Variants in PRKN observed in about 807,000 individuals in gnomAD.
PRKN encodes the protein E3 ubiquitin-protein ligase parkin.
In PRKN, 56 loss-of-function variants were observed where a neutral mutation model predicts 59.5. The ratio of observed to expected loss-of-function variants is 0.94; its 90% CI spans 0.76 to 1.18. PRKN has a LOEUF of 1.18. PRKN is among the 50% of genes most tolerant of loss of function. The pLI is 0.00. For synonymous variants in PRKN, 250 were observed against 222.1 expected (o/e 1.13, Z -1.12); for missense variants, 657 against 596.4 (o/e 1.10, Z -1.06).
chr6:161,935,808 A>AC (rs1779336320), intron 6 of PRKN, among the ~76,000 whole-genome samples: 1 of 152,152 alleles, frequency 6.6e-6, no homozygotes, highest in South Asian at 2.1e-4. Flanking sequence ...GCAGCAATAG[A>AC]CCATCCACAT....
At chr6:162,686,650 G>C (rs1483756252) in intron 1 of PRKN, among the ~76,000 whole-genome samples, 1 of 152,172 alleles carries the variant, frequency 6.6e-6, no homozygotes, top group Non-Finnish European at 1.5e-5. Flanking sequence ...GATGGCTCGT[G>C]CCTGTAATCC....
At chr6:162,196,720 T>C (rs1784509795) in intron 4 of PRKN, among the ~76,000 whole-genome samples, 1 of 152,118 alleles carries the variant, frequency 6.6e-6, no homozygotes, top group Non-Finnish European at 1.5e-5. Context: ...ATGCCTAACA[T>C]CAGGACAAAA....
At chr6:161,771,967 A>T (rs1422034413) in intron 7 of PRKN, among the ~76,000 whole-genome samples, 3 of 152,202 alleles carry the variant, frequency 2.0e-5, no homozygotes, top group Non-Finnish European at 2.9e-5. Flanking sequence ...TCTCAGTAAC[A>T]CAAGACATCG....
intron 5 of PRKN, among the ~76,000 whole-genome samples, chr6:162,025,964 C>T (rs1437691529): frequency 6.6e-6 from 1 of 152,096 alleles, no homozygotes; most frequent in African/African-American, 2.4e-5. Flanking sequence ...GCCAAACAAG[C>T]AGTTGCAAAC....
Position 161,442,939 on chromosome 6 carries a change from T to C in PRKN, c.1084-56062A>G, listed in dbSNP as rs574492054. On this transcript the variant is annotated intron_variant, in intron 9 of 11. Coordinates refer to ENST00000366898, the MANE Select transcript of PRKN (RefSeq NM_004562.3). The surrounding 1 kb of genome is among the most constrained non-coding windows in gnomAD (Gnocchi z 4.6). ...TCCTCAGGCAAGCCATTCTCCCCAG[T>C]GCACAGATGAGGAAATCGGGGCTCT... Among the ~76,000 whole-genome samples, 103 of 152,322 alleles carry C rather than the reference T, an allele frequency of 6.8e-4. 1 individual carries two copies. Among genetic ancestry groups the C allele is most frequent in the South Asian group, 3.9e-3 (19 of 4,830 alleles).
rs1786181003 is a variant in PRKN, at chr6:161,385,150, A to T, written c.1167+1644T>A. ...TCACCATGTTGGCCAGGCTGATCTC[A>T]ATCTCTTGACCTCATGATCCGCCCA... On this transcript the variant is annotated intron_variant, in intron 10 of 11. Coordinates refer to ENST00000366898, the MANE Select transcript of PRKN (RefSeq NM_004562.3). The surrounding 1 kb of genome is among the most constrained non-coding windows in gnomAD (Gnocchi z 4.9). Among the ~76,000 whole-genome samples the T allele has an allele frequency of 6.6e-6, 1 of 151,990 alleles. No individual in the cohort carries two copies. The highest frequency in any genetic ancestry group is 2.1e-4 in the South Asian group (1 of 4,812).
intron 5 of PRKN, among the ~76,000 whole-genome samples, chr6:162,037,615 C>T (rs745932845): frequency 4.6e-5 from 7 of 151,074 alleles, no homozygotes; most frequent in Non-Finnish European, 8.8e-5. Flanking sequence ...GGCGTGATCT[C>T]GGCTCACTGC....
At chr6:161,810,906 G>A (rs190140254) in intron 6 of PRKN, among the ~76,000 whole-genome samples, 2 of 152,220 alleles carry the variant, frequency 1.3e-5, no homozygotes, top group African/African-American at 4.8e-5. Context: ...CTTCCCAGAG[G>A]AGGAAAGTCT....
chr6:162,234,509 C>T (rs529647637), intron 3 of PRKN, among the ~76,000 whole-genome samples: 13 of 152,214 alleles, frequency 8.5e-5, no homozygotes, highest in Admixed American at 1.3e-4. Flanking sequence ...ATGGATACGA[C>T]GGTCTGCAGA....
chr6:161,350,275 C>T (rs1012400450), intron 11 of PRKN, 64 bp from the exon 12 acceptor site: 2 of 1,074,050 alleles, frequency 1.9e-6, no homozygotes, highest in African/African-American at 1.6e-5. Flanking sequence ...ACACGCATTC[C>T]CAAACCAGCA....
chr6:162,242,340 T>C (rs984010503), intron 3 of PRKN, among the ~76,000 whole-genome samples: 1 of 152,122 alleles, frequency 6.6e-6, no homozygotes, highest in African/African-American at 2.4e-5. Context: ...CTTTTTCCAA[T>C]GGCAGAAAAT....
At chr6:162,460,612 T>C (rs1253315618) in intron 1 of PRKN, among the ~76,000 whole-genome samples, 2 of 152,176 alleles carry the variant, frequency 1.3e-5, no homozygotes, top group Admixed American at 6.5e-5. Flanking sequence ...CTTATTAAAG[T>C]ACTTGGCAAA....
chr6:162,694,803 A>C (rs73024444), intron 1 of PRKN: 1 of 152,336 alleles, frequency 6.6e-6, no homozygotes, highest in Non-Finnish European at 1.5e-5. Flanking sequence ...ATTCCAAAGC[A>C]GGTTTCATGC....
At chr6:162,366,548 C>A (rs1192953864) in intron 2 of PRKN, among the ~76,000 whole-genome samples, 1 of 152,108 alleles carries the variant, frequency 6.6e-6, no homozygotes, top group Admixed American at 6.6e-5. Flanking sequence ...CCACTGCATT[C>A]CCTGTAAAGG....
chr6:162,004,460 C>T (rs937192733), intron 5 of PRKN, among the ~76,000 whole-genome samples: 1 of 152,142 alleles, frequency 6.6e-6, no homozygotes, highest in Admixed American at 6.6e-5. Context: ...TATAGCAGAG[C>T]AAGAATGCAC....
chr6:161,484,060 C>G lies in PRKN; in HGVS notation c.1083+64794G>C, dbSNP rs1330164647. Among the ~76,000 whole-genome samples the G allele has an allele frequency of 3.3e-5, 5 of 152,076 alleles. No homozygotes were observed. Among genetic ancestry groups the G allele is most frequent in the Non-Finnish European group, 7.4e-5 (5 of 68,018 alleles). The stretch of plus-strand genomic sequence containing the variant: ...GGAGGGAGAGCATCAGGAAGAATAC[C>G]TAATGGATGCTGGGCTTAATACCTA... On this transcript the variant is annotated intron_variant, in intron 9 of 11. Transcript: ENST00000366898. The surrounding 1 kb of genome is among the most constrained non-coding windows in gnomAD (Gnocchi z 4.9).
At chr6:162,713,145 CAAAT>C (rs1440455051) in intron 1 of PRKN, among the ~76,000 whole-genome samples, 1 of 152,086 alleles carries the variant, frequency 6.6e-6, no homozygotes, top group Non-Finnish European at 1.5e-5. Flanking sequence ...ATCAATCAGT[CAAAT>C]AAACAAAAAA....
At chr6:161,700,167 T>C (rs1786194679) in intron 7 of PRKN, among the ~76,000 whole-genome samples, 1 of 152,020 alleles carries the variant, frequency 6.6e-6, no homozygotes, top group Non-Finnish European at 1.5e-5. Context: ...TGTTTGGCCC[T>C]CGTTTACCTC....
At chr6:161,507,094 G>T (rs1308649626) in intron 9 of PRKN, among the ~76,000 whole-genome samples, 1 of 152,158 alleles carries the variant, frequency 6.6e-6, no homozygotes. Context: ...ACGTAAGGAA[G>T]AACTTTTTAA....
Sources: gnomAD v4.1 joint callset for allele counts (sites outside exome capture counted in the v4.1 genomes callset) on GRCh38, gnomAD v4.1.1 for gene constraint, Gnocchi (gnomAD v3.1) non-coding constraint, MANE v1.5 for transcripts, NCBI Gene and HGNC (gene_info 2026-07-23, HGNC 2026-07-21) for gene names.